The following DMD variants were observed in gnomAD, a reference collection of about 807,000 sequenced individuals.
DMD encodes mutant dystrophin.
In DMD, 63 loss-of-function variants were observed where a neutral mutation model predicts 330.1. The observed-to-expected ratio is 0.19, with a 90% CI of 0.16 to 0.24. The LOEUF is 0.24. Among genes scored for constraint, DMD ranks in the 10% least tolerant of loss-of-function variants. The pLI is 1.00. For synonymous variants in DMD, 1,223 were observed against 959.8 expected (o/e 1.27, Z -5.07); for missense variants, 3,344 against 2,684.1 (o/e 1.25, Z -5.43).
chrX:31,589,104 A>ATG (rs2076750900), intron 55 of DMD, among the ~76,000 whole-genome samples: 1 of 109,784 alleles, frequency 9.1e-6, no homozygotes, highest in African/African-American at 3.3e-5. Context: ...CAAGTAAAAA[A>ATG]AAAAAAAATC....
intron 7 of DMD, among the ~76,000 whole-genome samples, chrX:32,769,113 A>C (rs186422050): frequency 8.9e-6 from 1 of 112,531 alleles, no homozygotes; most frequent in East Asian, 2.8e-4. Flanking sequence ...AAGGCAGAAA[A>C]ATATAGAAAA....
intron 7 of DMD, among the ~76,000 whole-genome samples, chrX:32,786,086 A>AGTATGTGTGTGT (rs1557029348): frequency 2.1e-5 from 2 of 96,567 alleles, no homozygotes; most frequent in African/African-American, 7.7e-5. Context: ...GAGGAATAAG[A>AGTATGTGTGTGT]GTGTGTGTGT....
intron 44 of DMD, among the ~76,000 whole-genome samples, chrX:32,083,272 C>CTTTTTTTTTTTTT (rs56029341): frequency 9.7e-6 from 1 of 102,986 alleles, no homozygotes; most frequent in Non-Finnish European, 2.0e-5. Flanking sequence ...AATAAAAAAT[C>CTTTTTTTTTTTTT]TTTTTTTTTT....
intron 74 of DMD, among the ~76,000 whole-genome samples, chrX:31,167,090 C>A (rs1233318658): frequency 8.9e-6 from 1 of 111,780 alleles, no homozygotes; most frequent in Admixed American, 9.5e-5. Flanking sequence ...AAGGCACATT[C>A]TGGGGAATAT....
intron 4 of DMD, among the ~76,000 whole-genome samples, chrX:32,842,215 G>T (rs1172586713): frequency 1.8e-5 from 2 of 112,041 alleles, no homozygotes; most frequent in African/African-American, 6.5e-5. Context: ...CAGCGAAACG[G>T]ACAATGAATA....
intron 44 of DMD, among the ~76,000 whole-genome samples, chrX:32,089,880 G>A (rs969804789): frequency 2.8e-4 from 31 of 111,488 alleles, no homozygotes; most frequent in African/African-American, 7.5e-4. Flanking sequence ...TGCTTTCAAC[G>A]ACCGAACTAA....
chrX:31,882,265 T>C (rs1366870217), intron 47 of DMD, among the ~76,000 whole-genome samples: 1 of 111,899 alleles, frequency 8.9e-6, no homozygotes, highest in East Asian at 2.8e-4. Context: ...TAGCGTTTCC[T>C]AATTTATACG....
intron 29 of DMD, among the ~76,000 whole-genome samples, chrX:32,412,977 C>A (rs1244394745): frequency 9.0e-6 from 1 of 111,138 alleles, no homozygotes; most frequent in Non-Finnish European, 1.9e-5. Context: ...CAGTTAAAGG[C>A]ATCTAGACTA....
intron 59 of DMD, among the ~76,000 whole-genome samples, chrX:31,458,493 A>G (rs1367204243): frequency 5.9e-5 from 6 of 101,162 alleles, no homozygotes; most frequent in Non-Finnish European, 8.0e-5. Context: ...CTGTCTAAAC[A>G]ACGTTCTCAG....
At chrX:32,818,314 C>T (rs771001245) in intron 5 of DMD, among the ~76,000 whole-genome samples, 1 of 111,865 alleles carries the variant, frequency 8.9e-6, no homozygotes, top group Non-Finnish European at 1.9e-5. Context: ...CATTATGTCA[C>T]TAATTCAGCT....
chrX:33,129,082 T>C (rs1281281606), intron 1 of DMD: 1 of 111,774 alleles, frequency 8.9e-6, no homozygotes, highest in Non-Finnish European at 1.9e-5. Context: ...AAAAACAGAA[T>C]TGTGTCAGGC....
chrX:31,874,371 G>C (rs967554566), intron 48 of DMD, among the ~76,000 whole-genome samples: 6 of 110,542 alleles, frequency 5.4e-5, no homozygotes, highest in Admixed American at 1.9e-4. Context: ...AGTCTGAGAG[G>C]GCTTTACAAT....
chrX:31,879,709 C>G (rs1603523007), intron 47 of DMD, among the ~76,000 whole-genome samples: 1 of 111,762 alleles, frequency 8.9e-6, no homozygotes, highest in African/African-American at 3.2e-5. Context: ...TGCTCTTCTG[C>G]ACTTTAAAAC....
At chrX:33,127,480 C>T (rs1174450418) in intron 1 of DMD, among the ~76,000 whole-genome samples, 1 of 111,191 alleles carries the variant, frequency 9.0e-6, no homozygotes, top group Non-Finnish European at 1.9e-5. Context: ...TTACTGTTTA[C>T]AATTGTCCCA....
At chrX:32,300,997 T>C (rs2097521310) in intron 42 of DMD, among the ~76,000 whole-genome samples, 1 of 110,815 alleles carries the variant, frequency 9.0e-6, no homozygotes, top group African/African-American at 3.3e-5. Context: ...CATAGGTAGC[T>C]ACCATACATG....
At chrX:33,114,547 A>C (rs1273806723) in intron 1 of DMD, among the ~76,000 whole-genome samples, 1 of 111,737 alleles carries the variant, frequency 8.9e-6, no homozygotes, top group Non-Finnish European at 1.9e-5. Context: ...TTGAAGATAA[A>C]ACTTTCTTAT....
chrX:33,142,081 CTTTTA>C (rs1264850119), intron 1 of DMD, among the ~76,000 whole-genome samples: 3 of 111,984 alleles, frequency 2.7e-5, no homozygotes, highest in East Asian at 2.8e-4. Flanking sequence ...AAAGTTAAGG[CTTTTA>C]TTTTATTTTA....
chrX:31,800,127 T>C (rs1000619636), intron 50 of DMD, among the ~76,000 whole-genome samples: 1 of 112,408 alleles, frequency 8.9e-6, no homozygotes, highest in Non-Finnish European at 1.9e-5. Flanking sequence ...ATGATGGTGG[T>C]CCTCTTCTCA....
chrX:32,858,870 A>G (rs764987624), intron 2 of DMD, among the ~76,000 whole-genome samples: 2 of 111,237 alleles, frequency 1.8e-5, no homozygotes, highest in South Asian at 7.6e-4. Flanking sequence ...TATAGATACT[A>G]TAGCAAAAGT....
Sources: allele counts gnomAD v4.1 joint callset (sites outside exome capture counted in the v4.1 genomes callset), GRCh38; gene constraint gnomAD v4.1.1; transcripts MANE v1.5; gene names NCBI Gene and HGNC (gene_info 2026-07-23, HGNC 2026-07-21).